Variants in PCDHA3 observed in about 807,000 individuals in gnomAD.
The protein encoded by PCDHA3 is protocadherin alpha 3, also known as protocadherin alpha-3.
Under a neutral mutation model 62.2 loss-of-function variants are expected in PCDHA3, and 41 were observed. The observed-to-expected ratio is 0.66, with a 90% confidence interval of 0.51 to 0.86. The LOEUF (loss-of-function observed/expected upper bound fraction) is 0.86. PCDHA3 is among the 40% of genes least tolerant of loss of function. The probability of loss-of-function intolerance (pLI) is 0.00; values close to 1 mark genes in which losing one functional copy is unlikely to be tolerated. For missense variants in PCDHA3, 1,304 were observed against 1,241.2 expected (o/e 1.05, Z -0.76); for synonymous variants, 640 against 555.4 (o/e 1.15, Z -2.14).
chr5:141,008,800 A>G (rs949324548), intron 3 of PCDHA3, among the ~76,000 whole-genome samples: 8 of 152,222 alleles, frequency 5.3e-5, no homozygotes, highest in Non-Finnish European at 1.2e-4. Flanking sequence ...TTATCTAAAC[A>G]AATAGGCTCA....
intron 3 of PCDHA3, among the ~76,000 whole-genome samples, chr5:141,008,053 C>T (rs1554261648): frequency 6.6e-6 from 1 of 152,056 alleles, no homozygotes; most frequent in African/African-American, 2.4e-5. Context: ...AACAGGGGTC[C>T]AGTCCATCTA....
intron 1 of PCDHA3, chr5:140,835,210 ATAT>A: frequency 6.4e-7 from 1 of 1,571,342 alleles, no homozygotes; most frequent in Non-Finnish European, 8.6e-7. Flanking sequence ...TTGAATGGGG[ATAT>A]TATTTACTCC....
At chr5:140,829,036 A>G (rs1770084971) in intron 1 of PCDHA3, 4 of 1,612,958 alleles carry the variant, frequency 2.5e-6, no homozygotes, top group Non-Finnish European at 3.4e-6. Flanking sequence ...AAGAAAACTT[A>G]TACAAAATCC....
chr5:140,967,040 C>G, intron 1 of PCDHA3: 1 of 1,611,752 alleles, frequency 6.2e-7, no homozygotes, highest in South Asian at 1.1e-5. Flanking sequence ...CTACCTGGAG[C>G]TGGACCTGAC....
Position 140,863,381 on chromosome 5 carries a change from G to A in PCDHA3, c.2394+59790G>A, listed in dbSNP as rs1186134797. 4 of 1,058,516 alleles carry A rather than the reference G, an allele frequency of 3.8e-6. No homozygotes were observed. In the African/African-American group the frequency reaches 4.8e-5, roughly 13 times the overall value. 65.6% of individuals were successfully genotyped at this position (1,058,516 alleles called of 1,614,324 possible). ...CGGTGCTTGGCGCAGCTCACCGAGAGCTCGTGCATGCCGGGCAAGCCCACG... is the reference window on the plus strand; with the variant it reads ...CGGTGCTTGGCGCAGCTCACCGAGAACTCGTGCATGCCGGGCAAGCCCACG... On this transcript the variant is annotated intron_variant, in intron 1 of 3. Transcript: ENST00000522353.
intron 1 of PCDHA3, among the ~76,000 whole-genome samples, chr5:140,918,569 G>T (rs374823656): frequency 3.9e-5 from 6 of 152,136 alleles, no homozygotes; most frequent in African/African-American, 1.4e-4. Context: ...TGTATATTAT[G>T]CTGCTATTGG....
rs2150471496 is a variant in PCDHA3 at position 140,850,180 on chromosome 5, C to T, written c.2394+46589C>T. On this transcript the variant is annotated intron_variant, in intron 1 of 3. Coordinates refer to ENST00000522353, the MANE Select transcript of PCDHA3 (RefSeq NM_018906.3). ...TTCGTGCTGGACGAGAACGACAATG[C>T]GCCGGCGCTGCTGACACCTCGGATG... 73 of 1,593,798 alleles carry T rather than the reference C, an allele frequency of 4.6e-5. 10 individuals carry two copies. The Middle Eastern group carries it at 1.0e-3, about 23-fold the overall frequency.
chr5:140,827,193 G>A (rs1769211639), intron 1 of PCDHA3, among the ~76,000 whole-genome samples: 1 of 152,116 alleles, frequency 6.6e-6, no homozygotes, highest in Non-Finnish European at 1.5e-5. Flanking sequence ...TTCAAAACTT[G>A]GAAGTGAGTG....
chr5:140,828,152 C>CT (rs1562294206), intron 1 of PCDHA3: 6 of 1,614,028 alleles, frequency 3.7e-6, no homozygotes, highest in Non-Finnish European at 4.2e-6. Flanking sequence ...GCTTCTGCTC[C>CT]TCGCAGCCTG....
intron 1 of PCDHA3, chr5:140,843,655 T>C: frequency 6.3e-7 from 1 of 1,594,836 alleles, no homozygotes; most frequent in Non-Finnish European, 8.6e-7. Context: ...GCCTTCCTCC[T>C]GATCTGGGAT....
At chr5:140,829,906 G>T (rs2150177512) in intron 1 of PCDHA3, 12 of 1,613,982 alleles carry the variant, frequency 7.4e-6, no homozygotes, top group African/African-American at 1.3e-5. Context: ...GCTACAACGC[G>T]TGGCTTTCGT....
intron 1 of PCDHA3, chr5:140,842,359 C>G: frequency 6.2e-7 from 1 of 1,606,650 alleles, no homozygotes; most frequent in Non-Finnish European, 8.5e-7. Context: ...AAAATGATAA[C>G]GTCCCTGAGA....
At position 140,857,609 on chromosome 5, in the gene PCDHA3, C is replaced by T; in HGVS notation, c.2394+54018C>T. 1.3e-6 allele frequency: 2 copies of T among 1,596,206 alleles called. 1 individual carries two copies. Among genetic ancestry groups the T allele is most frequent in the African/African-American group, 2.7e-5 (2 of 74,262 alleles). ...GAGCGGCAAGGTGTACGCGCTGCAG[C>T]CGCTGGACCACGAGGAGCTGGAGCT... is the stretch of plus-strand genomic sequence containing the variant. On this transcript the variant is annotated intron_variant, in intron 1 of 3. Transcript: ENST00000522353.
intron 1 of PCDHA3, among the ~76,000 whole-genome samples, chr5:140,897,000 T>C (rs2065833068): frequency 6.6e-6 from 1 of 152,180 alleles, no homozygotes; most frequent in Non-Finnish European, 1.5e-5. Context: ...CTTTTAGTTA[T>C]TTTTAAATAT....
At chr5:140,827,406 G>A (rs1299421304) in intron 1 of PCDHA3, among the ~76,000 whole-genome samples, 3 of 152,148 alleles carry the variant, frequency 2.0e-5, no homozygotes, top group African/African-American at 7.2e-5. Context: ...ATGTGATAAA[G>A]AATATGCTCT....
chr5:140,929,164 GC>G (rs781931769), intron 1 of PCDHA3: 2 of 1,614,150 alleles, frequency 1.2e-6, no homozygotes, highest in Non-Finnish European at 1.7e-6. Context: ...TCTCTATCGG[GC>G]CTCTCTGGGA....
chr5:140,827,015 A>T (rs1554130692), intron 1 of PCDHA3, among the ~76,000 whole-genome samples: 1 of 152,218 alleles, frequency 6.6e-6, no homozygotes, highest in African/African-American at 2.4e-5. Context: ...ATGTCATTAA[A>T]AATATGAATT....
chr5:140,967,963 A>G (rs1554230144), intron 1 of PCDHA3: 1 of 1,614,210 alleles, frequency 6.2e-7, no homozygotes, highest in South Asian at 1.1e-5. Flanking sequence ...CCAACCGGAA[A>G]GTGAGCCTGG....
At chr5:140,851,732 T>C in intron 1 of PCDHA3, 2 of 971,434 alleles carry the variant, frequency 2.1e-6, no homozygotes, top group Non-Finnish European at 2.5e-6. Context: ...CGAGTTCTTT[T>C]GAAATTCAGA....
Sources: gnomAD v4.1 joint callset for allele counts (sites outside exome capture counted in the v4.1 genomes callset) on GRCh38, gnomAD v4.1.1 for gene constraint, MANE v1.5 for transcripts, NCBI Gene and HGNC (gene_info 2026-07-23, HGNC 2026-07-21) for gene names.